SERPINA12: variants seen among roughly 807,000 people sequenced by gnomAD.
SERPINA12 encodes serpin A12.
In SERPINA12, 21 loss-of-function variants were observed where a neutral mutation model predicts 25.9. That is an observed-to-expected ratio of 0.81 (90% CI 0.58 to 1.17). SERPINA12 has a LOEUF of 1.17. SERPINA12 is among the 50% of genes most tolerant of loss of function. The pLI is 0.00. For synonymous variants in SERPINA12, 220 were observed against 196.0 expected, an observed-to-expected ratio of 1.12 and a Z score of -1.02; for missense variants, 562 against 508.3, an observed-to-expected ratio of 1.11 and a Z score of -1.02.
chr14:94,511,548 T>C, upstream of SERPINA12: 1 of 985,396 alleles, frequency 1.0e-6, no homozygotes, highest in African/African-American at 1.7e-5. Flanking sequence ...CTCACTCTAG[T>C]ATTTGTCGGG....
chr14:94,488,545 A>C (rs1440132403), intron 4 of SERPINA12, among the ~76,000 whole-genome samples: 1 of 152,174 alleles, frequency 6.6e-6, no homozygotes, highest in Non-Finnish European at 1.5e-5. Context: ...ATTCAAGATA[A>C]ACAATGAATA....
intron 2 of SERPINA12, among the ~76,000 whole-genome samples, chr14:94,497,304 C>G (rs1900472932): frequency 6.6e-6 from 1 of 152,200 alleles, no homozygotes; most frequent in African/African-American, 2.4e-5. Context: ...ATCACCATCA[C>G]CATAATCAAC....
At chr14:94,514,661 G>C (rs1329964525) in intron 2 of SERPINA12, among the ~76,000 whole-genome samples, 2 of 152,206 alleles carry the variant, frequency 1.3e-5, no homozygotes. Flanking sequence ...GAGCCAGTGG[G>C]TCTATTCCAG....
chr14:94,504,826 C>T (rs907670748), intron 1 of SERPINA12, among the ~76,000 whole-genome samples: 28 of 152,128 alleles, frequency 1.8e-4, no homozygotes, highest in Non-Finnish European at 3.5e-4. Flanking sequence ...GTCTCTGCCT[C>T]CCCCTTACTT....
chr14:94,496,785 C>A, intron 2 of SERPINA12, 142 bp from the exon 3 acceptor site: 1 of 694,828 alleles, frequency 1.4e-6, no homozygotes, highest in Non-Finnish European at 2.4e-6. Flanking sequence ...TGCCCTCATG[C>A]CATGTCCTGG....
At chr14:94,513,008 G>A (rs560455365), upstream of SERPINA12, among the ~76,000 whole-genome samples, 1 of 152,354 alleles carries the variant, frequency 6.6e-6, no homozygotes, top group South Asian at 2.1e-4. Flanking sequence ...TCTATTACCA[G>A]CTCAAGCCAC....
upstream of SERPINA12, among the ~76,000 whole-genome samples, chr14:94,514,141 G>C (rs61978266): frequency 0.11 from 16,849 of 152,280 alleles, 1,154 homozygotes; most frequent in Middle Eastern, 0.22. Flanking sequence ...GGACTGTGCC[G>C]CTTAGGTACT....
chr14:94,510,595 T>TC (rs1470631028), upstream of SERPINA12, among the ~76,000 whole-genome samples: 1 of 152,144 alleles, frequency 6.6e-6, no homozygotes, highest in East Asian at 1.9e-4. Context: ...CATCCAGCAA[T>TC]CCCACTACTG....
Position 94,491,002 on chromosome 14 carries a change from G to A in SERPINA12, c.906-1235C>T, listed in dbSNP as rs566703807. Among the ~76,000 whole-genome samples, 3 of 152,138 alleles carry A rather than the reference G, an allele frequency of 2.0e-5. No homozygotes were observed. In the East Asian group the frequency reaches 5.8e-4, roughly 29 times the overall value. ...CCACCTTCACTCCATCCCCATACATGTCATTCAGTCTCACAGCTTTGAATA... is the reference window on the plus strand; with the variant it reads ...CCACCTTCACTCCATCCCCATACATATCATTCAGTCTCACAGCTTTGAATA... On this transcript the variant is annotated intron_variant, in intron 3 of 4. Transcript: ENST00000677451.
chr14:94,489,534 G>A (rs1163813582), intron 4 of SERPINA12, 86 bp downstream of exon 4: 19 of 1,467,576 alleles, frequency 1.3e-5, no homozygotes, highest in Non-Finnish European at 1.8e-5. Flanking sequence ...TCTCGGCTCT[G>A]ACAGCCACTG....
chr14:94,514,045 C>A (rs1901171671), upstream of SERPINA12, among the ~76,000 whole-genome samples: 1 of 152,140 alleles, frequency 6.6e-6, no homozygotes, highest in Admixed American at 6.6e-5. Context: ...TATGTCTTAA[C>A]CTACTCACCT....
chr14:94,489,568 G>A (rs1276577577), intron 4 of SERPINA12, 52 bp downstream of exon 4: 5 of 1,588,320 alleles, frequency 3.1e-6, no homozygotes, highest in African/African-American at 1.3e-5. Flanking sequence ...GGCCCCGGCT[G>A]GGGGAAGGCC....
At chr14:94,494,495 G>C (rs1324615622) in intron 3 of SERPINA12, among the ~76,000 whole-genome samples, 1 of 152,162 alleles carries the variant, frequency 6.6e-6, no homozygotes, top group Non-Finnish European at 1.5e-5. Context: ...TTTATGGAAG[G>C]GGGGAGCTAA....
At position 94,497,828 on chromosome 14, in the gene SERPINA12, G is replaced by T. The variant is rs989800296; in HGVS notation, c.570C>A (p.Asn190Lys). Residue 190 changes from asparagine (N) to lysine (K), a missense_variant, in exon 2 of 5, where the codon AAC becomes AAA. Transcript: ENST00000677451. ...CGGGGTCTATATTCTCGATCAGGTT[G>T]TTAATTTTCCCATGGGTTTTTTGAC... Reference protein sequence around the residue: ...FISQKTHGKINNLIENIDPGT... With the variant: ...FISQKTHGKIKNLIENIDPGT... The T allele has an allele frequency of 1.9e-6, 3 of 1,614,120 alleles. No individual in the cohort carries two copies. Among genetic ancestry groups the T allele is most frequent in the Non-Finnish European group, 2.5e-6 (3 of 1,180,012 alleles).
intron 4 of SERPINA12, among the ~76,000 whole-genome samples, chr14:94,488,521 C>A (rs1283587825): frequency 1.3e-5 from 2 of 152,034 alleles, no homozygotes; most frequent in African/African-American, 2.4e-5. Flanking sequence ...TACAGGACAT[C>A]CACTGAAATT....
chr14:94,496,839 A>T (rs905935197), intron 2 of SERPINA12, among the ~76,000 whole-genome samples, 196 bp from the exon 3 acceptor site: 1 of 152,162 alleles, frequency 6.6e-6, no homozygotes, highest in Non-Finnish European at 1.5e-5. Flanking sequence ...TTAGTTCCCA[A>T]AGAAGCCAGG....
At chr14:94,499,986 C>A (rs1900642477) in intron 1 of SERPINA12, among the ~76,000 whole-genome samples, 1 of 152,170 alleles carries the variant, frequency 6.6e-6, no homozygotes, top group South Asian at 2.1e-4. Context: ...ACAGCAGCAC[C>A]AGCAAAAGGG....
intron 1 of SERPINA12, chr14:94,503,141 C>T: frequency 2.1e-6 from 2 of 937,176 alleles, no homozygotes; most frequent in Non-Finnish European, 2.5e-6. Context: ...GAAGAAATCA[C>T]TCTATATACA....
chr14:94,509,514 C>T (rs1901051684), upstream of SERPINA12, among the ~76,000 whole-genome samples: 1 of 152,152 alleles, frequency 6.6e-6, no homozygotes, highest in South Asian at 2.1e-4. Context: ...ACTGGGTGGA[C>T]TTCTGCCCAA....
Sources: gnomAD v4.1 joint callset for allele counts (sites outside exome capture counted in the v4.1 genomes callset) on GRCh38, gnomAD v4.1.1 for gene constraint, MANE v1.5 for transcripts, NCBI Gene and HGNC (gene_info 2026-07-23, HGNC 2026-07-21) for gene names.